Variants in NOP58 observed in about 807,000 individuals in gnomAD.
NOP58 encodes nucleolar protein 58.
NOP58 carries 44 observed loss-of-function variants against 71.2 expected under a neutral mutation model. That is an observed-to-expected ratio of 0.62 (90% CI 0.49 to 0.79). NOP58 has a LOEUF of 0.79. Ranked by LOEUF, NOP58 falls within the 30% of genes least tolerant of loss-of-function variation. The pLI is 0.00. For synonymous variants in NOP58, 228 were observed against 200.3 expected (o/e 1.14, Z -1.17); for missense variants, 538 against 620.2 (o/e 0.87, Z 1.41).
In NOP58 at chr2:202,265,860, C is replaced by T. The variant is rs1559257180; in HGVS notation, c.-82C>T. On this transcript the variant is annotated 5_prime_UTR_variant, in exon 1 of 15. Coordinates refer to ENST00000264279, the MANE Select transcript of NOP58 (RefSeq NM_015934.5). ...CTTTGCCCGCCGCGGCCTAGGAGGC[C>T]TTTTGAGGCCGCGTAGTCGGTGTTT... 1 of 1,574,832 alleles carries T rather than the reference C, an allele frequency of 6.3e-7. No homozygotes were observed. Among genetic ancestry groups the T allele is most frequent in the East Asian group, 2.2e-5 (1 of 44,676 alleles).
In NOP58 at chr2:202,302,938, GA is replaced by G; in HGVS notation, c.1425del (p.Val476TrpfsTer9). ...IKVKVEEEEE[E>X]KVAEEEETSV... is the part of the protein sequence containing the mutation. ...CTATTCAGTTGAAGAAGAGGAAGAAGAAAAAGTGGCAGAAGAAGAAGAAACA... is the reference window on the plus strand; with the variant it reads ...CTATTCAGTTGAAGAAGAGGAAGAAGAAAAGTGGCAGAAGAAGAAGAAACA... On this transcript the variant is annotated frameshift_variant, in exon 14 of 15. Coordinates refer to ENST00000264279, the MANE Select transcript of NOP58 (RefSeq NM_015934.5). LOFTEE classifies it high-confidence loss of function. 6.2e-7 allele frequency: 1 copy of G among 1,604,990 alleles called. No homozygotes were observed.
rs1299938137 is a variant in NOP58 at position 202,274,354 on chromosome 2, G to A, written c.46-759G>A. Among the ~76,000 whole-genome samples, 6 of 151,190 alleles carry A rather than the reference G, an allele frequency of 4.0e-5. No homozygotes were observed. The East Asian group carries it at 5.9e-4, about 15-fold the overall frequency. On this transcript the variant is annotated intron_variant, in intron 1 of 14. Transcript: ENST00000264279. ...CAATTCTCCTGCCTCAGCCTCCCGAGTGGCGGGGATTACAGGCATGTGCCA... is the reference window on the plus strand; with the variant it reads ...CAATTCTCCTGCCTCAGCCTCCCGAATGGCGGGGATTACAGGCATGTGCCA...
intron 6 of NOP58, 113 bp downstream of exon 6, chr2:202,287,837 T>A: frequency 1.2e-6 from 1 of 838,388 alleles, no homozygotes; most frequent in Non-Finnish European, 1.9e-6. Flanking sequence ...GGAGGCCAGG[T>A]GTGGTGGCTC....
intron 1 of NOP58, among the ~76,000 whole-genome samples, chr2:202,274,400 A>ATT (rs1173477305): frequency 0.023 from 2,428 of 104,590 alleles, 83 homozygotes; most frequent in African/African-American, 0.081. Context: ...CTAATTTTGT[A>ATT]TTTTTTTTTT....
At chr2:202,269,792 G>A (rs139621468) in intron 1 of NOP58, among the ~76,000 whole-genome samples, 2 of 152,286 alleles carry the variant, frequency 1.3e-5, no homozygotes, top group East Asian at 1.9e-4. Flanking sequence ...CTTGTGTCAC[G>A]TGGCACACAG....
At chr2:202,270,583 A>T (rs1040819678) in intron 1 of NOP58, among the ~76,000 whole-genome samples, 5 of 152,154 alleles carry the variant, frequency 3.3e-5, no homozygotes, top group African/African-American at 1.2e-4. Context: ...CAGGAGTTGC[A>T]GACCAGCCTG....
Position 202,265,968 on chromosome 2 carries a change from G to C in NOP58, c.27G>C (p.Val9=). 6.2e-7 allele frequency: 1 copy of C among 1,614,172 alleles called. No homozygotes were observed. The highest frequency in any genetic ancestry group is 8.5e-7 in the Non-Finnish European group (1 of 1,180,038). ...TGTTGGTGCTGTTTGAAACGTCTGT[G>C]GGTTACGCCATCTTTAAGGTAGGTG... The part of the protein sequence containing the change: MLVLFETS[V]GYAIFKVLNE... Residue 9 remains valine, a synonymous_variant, in exon 1 of 15, where the codon GTG becomes GTC. Coordinates refer to ENST00000264279, the MANE Select transcript of NOP58 (RefSeq NM_015934.5).
chr2:202,273,857 C>T (rs1035737377), intron 1 of NOP58, among the ~76,000 whole-genome samples: 2 of 151,544 alleles, frequency 1.3e-5, no homozygotes, highest in African/African-American at 4.9e-5. Flanking sequence ...GCAGGAGAAT[C>T]GCTTGAACCC....
intron 9 of NOP58, among the ~76,000 whole-genome samples, chr2:202,294,671 C>T (rs1310757580): frequency 1.3e-5 from 2 of 151,996 alleles, no homozygotes; most frequent in African/African-American, 4.8e-5. Context: ...AGTTATAACA[C>T]TATGCCAGCA....
intron 10 of NOP58, among the ~76,000 whole-genome samples, chr2:202,296,389 A>G (rs1294546095): frequency 3.9e-5 from 6 of 152,042 alleles, no homozygotes; most frequent in Non-Finnish European, 8.8e-5. Flanking sequence ...TTTTAAGTAA[A>G]GACCAGTTTC....
In NOP58 at chr2:202,295,267, T is replaced by C. The variant is rs1688971723; in HGVS notation, c.908-407T>C. ...TGTAGGAATATCTCTTCCTAATAAA[T>C]GTGTTTATTTGTAGGCTTTTTCATA... On this transcript the variant is annotated intron_variant, in intron 9 of 14. Coordinates refer to ENST00000264279, the MANE Select transcript of NOP58 (RefSeq NM_015934.5). Among the ~76,000 whole-genome samples, 3 of 152,226 alleles carry C rather than the reference T, an allele frequency of 2.0e-5. No homozygotes were observed. The South Asian group carries it at 6.2e-4, about 32-fold the overall frequency.
intron 3 of NOP58, among the ~76,000 whole-genome samples, chr2:202,279,336 T>C (rs770862459): frequency 1.3e-5 from 2 of 152,222 alleles, no homozygotes; most frequent in Non-Finnish European, 2.9e-5. Flanking sequence ...CCTAATATAT[T>C]GAGCACATAC....
chr2:202,300,863 C>G lies in NOP58; in HGVS notation c.1402+496C>G, dbSNP rs574964148. On this transcript the variant is annotated intron_variant, in intron 13 of 14. Coordinates refer to ENST00000264279, the MANE Select transcript of NOP58 (RefSeq NM_015934.5). ...CTTGTGAAGTTGATAAGCAGGCGCC[C>G]CATTATTAGTTACACCTGGGTTTAT... 2.6e-5 allele frequency among the ~76,000 whole-genome samples: 4 copies of G among 152,172 alleles called. No individual in the cohort carries two copies. The East Asian group carries it at 5.8e-4, about 22-fold the overall frequency.
intron 1 of NOP58, among the ~76,000 whole-genome samples, chr2:202,271,434 G>T (rs1320564113): frequency 6.6e-6 from 1 of 151,662 alleles, no homozygotes; most frequent in Non-Finnish European, 1.5e-5. Context: ...AGGCATGGCA[G>T]CATGTGCCTG....
At position 202,297,445 on chromosome 2, in the gene NOP58, A is replaced by C. The variant is rs765128288; in HGVS notation, c.1138A>C (p.Ser380Arg). ...TTATGATGCTTTTGGTGAGGATTCA[A>C]GTTCTGCAATGGGAGTTGAGAACAG... ...IRYDAFGEDS[S>R]SAMGVENRAK... is the part of the protein sequence containing the mutation. The change falls in exon 11 of 15, where the codon AGT (serine) becomes CGT (arginine). Residue 380 changes from serine (S) to arginine (R), a missense_variant. Physicochemically the swap from Ser to Arg is moderately radical, Grantham distance 110. Coordinates refer to ENST00000264279, the MANE Select transcript of NOP58 (RefSeq NM_015934.5). The C allele has an allele frequency of 6.2e-7, 1 of 1,614,072 alleles. No homozygotes were observed. The highest frequency in any genetic ancestry group is 8.5e-7 in the Non-Finnish European group (1 of 1,179,924).
chr2:202,268,828 G>A (rs552476168), intron 1 of NOP58, among the ~76,000 whole-genome samples: 188 of 151,798 alleles, frequency 1.2e-3, no homozygotes, highest in African/African-American at 4.3e-3. Context: ...GGCTGGTCTC[G>A]AACTCCTGAC....
At chr2:202,282,932 G>T (rs182537877) in intron 4 of NOP58, among the ~76,000 whole-genome samples, 54 of 152,244 alleles carry the variant, frequency 3.5e-4, no homozygotes, top group Admixed American at 3.0e-3. Context: ...CAATTCGGGC[G>T]GGGCGCGGTG....
intron 6 of NOP58, 93 bp downstream of exon 6, chr2:202,287,817 GA>G: frequency 9.6e-7 from 1 of 1,046,126 alleles, no homozygotes; most frequent in Non-Finnish European, 1.5e-6. Context: ...TGTCTGTTGA[GA>G]AAGAGAAAGG....
In NOP58 at chr2:202,303,025, G is replaced by A. The variant is rs200748681; in HGVS notation, c.1507G>A (p.Glu503Lys). The A allele has an allele frequency of 6.2e-7, 1 of 1,612,576 alleles. No homozygotes were observed. Among genetic ancestry groups the A allele is most frequent in the South Asian group, 1.1e-5 (1 of 90,938 alleles). Reference sequence around the variant, plus strand: ...ACACATTAAGGAAGAACCACTTTCTGAGGAAGAACCATGTACCAGCACAGC... The same window carrying A: ...ACACATTAAGGAAGAACCACTTTCTAAGGAAGAACCATGTACCAGCACAGC... ...KKHIKEEPLS[E>K]EEPCTSTAIA... Residue 503 changes from glutamate (E) to lysine (K), a missense_variant, in exon 14 of 15, where the codon GAG becomes AAG. Coordinates refer to ENST00000264279, the MANE Select transcript of NOP58 (RefSeq NM_015934.5).
Sources: allele counts gnomAD v4.1 joint callset (sites outside exome capture counted in the v4.1 genomes callset), GRCh38; gene constraint gnomAD v4.1.1; transcripts MANE v1.5; gene names NCBI Gene and HGNC (gene_info 2026-07-23, HGNC 2026-07-21).